The following ZDHHC2 variants were observed in gnomAD, a reference collection of about 807,000 sequenced individuals.
ZDHHC2 encodes palmitoyltransferase ZDHHC2.
Under a neutral mutation model 55.6 loss-of-function variants are expected in ZDHHC2, and 51 were observed. The ratio of observed to expected loss-of-function variants is 0.92; its 90% CI spans 0.73 to 1.16. The LOEUF (loss-of-function observed/expected upper bound fraction) is 1.16, where lower values mean the gene tolerates loss of function less well. Ranked by LOEUF, ZDHHC2 falls within the 50% of genes most tolerant of loss-of-function variation. The probability of loss-of-function intolerance (pLI) is 0.00; values close to 1 mark genes in which losing one functional copy is unlikely to be tolerated. For synonymous variants in ZDHHC2, 199 were observed against 152.9 expected (o/e 1.30, Z -2.22); for missense variants, 491 against 442.4 (o/e 1.11, Z -0.99).
rs556140180 is a variant in ZDHHC2 at position 17,191,320 on chromosome 8, C to G, written c.253-4184C>G. ...CCATGTTGGCCAGGCTGGTATCAAA[C>G]TCCTGACCTCAAGTGATCCACTCGC... On this transcript the variant is annotated intron_variant, in intron 3 of 12. Coordinates refer to ENST00000262096, the MANE Select transcript of ZDHHC2 (RefSeq NM_016353.5). 2.4e-4 allele frequency among the ~76,000 whole-genome samples: 36 copies of G among 152,296 alleles called. 1 individual carries two copies. The highest frequency in any genetic ancestry group is 8.7e-4 in the African/African-American group (36 of 41,566).
At chr8:17,217,365 A>G in intron 12 of ZDHHC2, 119 bp downstream of exon 12, 2 of 749,478 alleles carry the variant, frequency 2.7e-6, no homozygotes, top group East Asian at 3.0e-5. Context: ...AAGATCTTTT[A>G]CCTGACTTGT....
intron 6 of ZDHHC2, 142 bp from the exon 7 acceptor site, chr8:17,205,513 A>G: frequency 1.1e-6 from 1 of 909,940 alleles, no homozygotes; most frequent in Non-Finnish European, 1.6e-6. Flanking sequence ...ACATGATTGT[A>G]TGCATAAAGA....
intron 1 of ZDHHC2, among the ~76,000 whole-genome samples, chr8:17,172,230 A>G (rs2150889907): frequency 6.6e-6 from 1 of 152,350 alleles, no homozygotes; most frequent in East Asian, 1.9e-4. Flanking sequence ...AAACCAAAGT[A>G]TAAAAGAAAA....
chr8:17,170,367 C>T (rs1460309862), intron 1 of ZDHHC2, among the ~76,000 whole-genome samples: 6 of 152,202 alleles, frequency 3.9e-5, no homozygotes, highest in Admixed American at 3.9e-4. Context: ...GATTTCATCT[C>T]TTCCGGTGTG....
In ZDHHC2 at chr8:17,203,809, C is replaced by CTT. The variant is rs3041019; in HGVS notation, c.477-1830_477-1829dup. 1.0e-3 allele frequency among the ~76,000 whole-genome samples: 130 copies of CTT among 130,154 alleles called. 1 individual carries two copies. The highest frequency in any genetic ancestry group is 9.9e-3 in the East Asian group (44 of 4,440). 85.4% of individuals were successfully genotyped at this position (130,154 alleles called of 152,430 possible). ...GCACAATTTGTGGCTTCTTTTTTTT[C>CTT]TTTTTTTTTTTTTTTTTGAGAGGAA... On this transcript the variant is annotated intron_variant, in intron 6 of 12. Coordinates refer to ENST00000262096, the MANE Select transcript of ZDHHC2 (RefSeq NM_016353.5).
In ZDHHC2 at chr8:17,221,130, T is replaced by A. The variant is rs954522455; in HGVS notation, c.*909T>A. 2 of 152,560 alleles carry A rather than the reference T, an allele frequency of 1.3e-5. No individual in the cohort carries two copies. The highest frequency in any genetic ancestry group is 2.9e-5 in the Non-Finnish European group (2 of 67,984). 9.5% of individuals were successfully genotyped at this position (152,560 alleles called of 1,614,324 possible). A position where few individuals can be genotyped will look rare whatever the true frequency, so the allele number is the denominator to read the frequency against. On this transcript the variant is annotated 3_prime_UTR_variant, in exon 13 of 13. Transcript: ENST00000262096. ...TCCTAATAGGTCAATAGATTTACCC[T>A]CCAGTGATATCTATATTATTTCTTT...
At position 17,205,361 on chromosome 8, in the gene ZDHHC2, C is replaced by T. The variant is rs188230812; in HGVS notation, c.477-294C>T. ...TAAGCTGCCTGGCCTGATACGGTTT[C>T]TCGCAGGCTCTGTGCTTTGAGGGAT... On this transcript the variant is annotated intron_variant, in intron 6 of 12. Coordinates refer to ENST00000262096, the MANE Select transcript of ZDHHC2 (RefSeq NM_016353.5). Among the ~76,000 whole-genome samples, 344 of 152,338 alleles carry T rather than the reference C, an allele frequency of 2.3e-3. 1 individual carries two copies. Among genetic ancestry groups the T allele is most frequent in the African/African-American group, 7.8e-3 (324 of 41,576 alleles).
At chr8:17,173,386 G>C (rs1215128341) in intron 1 of ZDHHC2, among the ~76,000 whole-genome samples, 1 of 152,142 alleles carries the variant, frequency 6.6e-6, no homozygotes, top group Non-Finnish European at 1.5e-5. Context: ...TCAAAGAATT[G>C]AGCACAAGGC....
chr8:17,209,601 G>A (rs1191200006), intron 8 of ZDHHC2, among the ~76,000 whole-genome samples: 2 of 152,082 alleles, frequency 1.3e-5, no homozygotes, highest in African/African-American at 2.4e-5. Context: ...CTATGTTTAT[G>A]GATCCATCCA....
At chr8:17,188,451 A>AC in intron 3 of ZDHHC2, among the ~76,000 whole-genome samples, 1 of 152,196 alleles carries the variant, frequency 6.6e-6, no homozygotes, top group Non-Finnish European at 1.5e-5. Flanking sequence ...TCCTGTATAC[A>AC]ACATGGCATT....
At position 17,156,739 on chromosome 8, in the gene ZDHHC2, C is replaced by T. The variant is rs1048403436; in HGVS notation, c.16C>T (p.Pro6Ser). The change falls in exon 1 of 13, where the codon CCG becomes TCG. Residue 6 changes from proline to serine, a missense_variant. Coordinates refer to ENST00000262096, the MANE Select transcript of ZDHHC2 (RefSeq NM_016353.5). The part of the protein sequence containing the change: MAPSG[P>S]GSSARRRCRR... ...CGGCTGGAAGATGGCGCCCTCGGGC[C>T]CGGGCAGCAGCGCCAGGCGGCGGTG... The T allele has an allele frequency of 1.3e-6, 2 of 1,489,620 alleles. No individual in the cohort carries two copies. Among genetic ancestry groups the T allele is most frequent in the African/African-American group, 2.9e-5 (2 of 68,272 alleles). 92.3% of individuals were successfully genotyped at this position (1,489,620 alleles called of 1,614,324 possible).
At position 17,224,700 on chromosome 8, in the gene ZDHHC2, A is replaced by C. The variant is rs1808057055; in HGVS notation, c.*4479A>C. 6.6e-6 allele frequency: 1 copy of C among 151,744 alleles called. No individual in the cohort carries two copies. Among genetic ancestry groups the C allele is most frequent in the African/African-American group, 2.4e-5 (1 of 41,404 alleles). The allele number at this position is 151,744 out of a possible 1,614,324, so 9.4% of individuals were successfully genotyped here. ...TCCTGTTGTATTTTTCTCAGTTATG[A>C]GAGCAAGGCTATTTTGTCAGTTTAG... is the stretch of plus-strand genomic sequence containing the variant. On this transcript the variant is annotated 3_prime_UTR_variant, in exon 13 of 13. Transcript: ENST00000262096.
chr8:17,206,772 T>A (rs1301858505), intron 7 of ZDHHC2, among the ~76,000 whole-genome samples: 1 of 152,178 alleles, frequency 6.6e-6, no homozygotes, highest in Non-Finnish European at 1.5e-5. Flanking sequence ...AAAAAGCAAT[T>A]TATCTGCTGC....
chr8:17,196,621 C>G (rs1200922206), intron 4 of ZDHHC2, among the ~76,000 whole-genome samples: 1 of 151,012 alleles, frequency 6.6e-6, no homozygotes, highest in Admixed American at 6.6e-5. Flanking sequence ...AGATTTGCGA[C>G]TCTGTGTGGT....
In ZDHHC2 at chr8:17,186,379, C is replaced by A; in HGVS notation, c.206C>A (p.Ser69Ter). Residue 69 changes from serine (S) to a stop codon, truncating the protein, a stop_gained, in exon 3 of 13, where the codon TCA (serine) becomes TAA (stop). Transcript: ENST00000262096. LOFTEE classifies it high-confidence loss of function. ...CTACTTTTTGCAATGTTTGTCTGGTCATACTGGAAAACTATCTTTACATTA... is the reference window on the plus strand; with the variant it reads ...CTACTTTTTGCAATGTTTGTCTGGTAATACTGGAAAACTATCTTTACATTA... ...YHLLFAMFVW[S>*]YWKTIFTLPM... 1.3e-6 allele frequency: 2 copies of A among 1,588,560 alleles called. No individual in the cohort carries two copies. Among genetic ancestry groups the A allele is most frequent in the South Asian group, 2.3e-5 (2 of 85,410 alleles).
At chr8:17,199,356 C>G (rs1806502142) in intron 6 of ZDHHC2, among the ~76,000 whole-genome samples, 2 of 152,100 alleles carry the variant, frequency 1.3e-5, no homozygotes, top group Non-Finnish European at 2.9e-5. Context: ...ATAACGCCCC[C>G]TTCGTACTAA....
Position 17,199,552 on chromosome 8 carries a change from C to CT in ZDHHC2, c.476+1139_476+1140insT, listed in dbSNP as rs202077314. Reference sequence around the variant, plus strand: ...GTCTTCTGTCTTCGTCTTCTGTCTTCGTCTTCGTCTTCTTCGTCTTTGTCT... The same window carrying CT: ...GTCTTCTGTCTTCGTCTTCTGTCTTCTGTCTTCGTCTTCTTCGTCTTTGTCT... On this transcript the variant is annotated intron_variant, in intron 6 of 12. Transcript: ENST00000262096. 4.0e-3 allele frequency among the ~76,000 whole-genome samples: 403 copies of CT among 101,216 alleles called. 23 individuals are homozygous for CT. Among genetic ancestry groups the CT allele is most frequent in the Admixed American group, 0.022 (190 of 8,694 alleles). 66.4% of individuals were successfully genotyped at this position (101,216 alleles called of 152,430 possible). A position where few individuals can be genotyped will look rare whatever the true frequency, so the allele number is the denominator to read the frequency against.
At chr8:17,179,000 G>C (rs1381561194) in intron 1 of ZDHHC2, among the ~76,000 whole-genome samples, 1 of 152,156 alleles carries the variant, frequency 6.6e-6, no homozygotes, top group East Asian at 1.9e-4. Context: ...GCCCAGGCTT[G>C]AATGCAGTAG....
intron 3 of ZDHHC2, 141 bp from the exon 4 acceptor site, chr8:17,195,363 A>G (rs1806252937): frequency 1.0e-6 from 1 of 952,886 alleles, no homozygotes; most frequent in South Asian, 1.9e-5. Context: ...AGACTTGCCC[A>G]CGTTTCAAAC....
Sources: allele counts gnomAD v4.1 joint callset (sites outside exome capture counted in the v4.1 genomes callset), GRCh38; gene constraint gnomAD v4.1.1; transcripts MANE v1.5; gene names NCBI Gene and HGNC (gene_info 2026-07-23, HGNC 2026-07-21).